Variants in CTBP1 observed in about 807,000 individuals in gnomAD.
The protein encoded by CTBP1 is C-terminal binding protein 1.
CTBP1 carries 11 observed loss-of-function variants against 42.1 expected under a neutral mutation model. The observed-to-expected ratio is 0.26, with a 90% CI of 0.16 to 0.43. CTBP1 has a LOEUF of 0.43. Ranked by LOEUF, CTBP1 falls within the 20% of genes least tolerant of loss-of-function variation. The pLI is 1.00. For missense variants in CTBP1, 399 were observed against 624.3 expected (o/e 0.64, Z 3.85); for synonymous variants, 324 against 277.1 (o/e 1.17, Z -1.68).
chr4:1,218,391 G>A (rs1394344564), intron 5 of CTBP1: 5 of 151,560 alleles, frequency 3.3e-5, no homozygotes, highest in Non-Finnish European at 5.9e-5. Context: ...GCGACAGAGC[G>A]AGACTACCTT....
At chr4:1,243,573 AC>A (rs770913080) in intron 1 of CTBP1, 1 of 985,300 alleles carries the variant, frequency 1.0e-6, no homozygotes, top group Non-Finnish European at 1.2e-6. Context: ...GCCACTGTGC[AC>A]CCACAAAGCG....
chr4:1,245,542 C>T (rs142101837), intron 1 of CTBP1: 16,631 of 983,884 alleles, frequency 0.017, 158 homozygotes, highest in Non-Finnish European at 0.019. Flanking sequence ...CACAGACGGG[C>T]GGCAGGTCAG....
rs1287584919 is a variant in CTBP1 at position 1,248,416 on chromosome 4, G to A, written c.-189+500C>T. Among the ~76,000 whole-genome samples, 3 of 150,668 alleles carry A rather than the reference G, an allele frequency of 2.0e-5. No homozygotes were observed. The East Asian group carries it at 6.0e-4, about 30-fold the overall frequency. ...ACAGCGCGCGGCCACGGTCGCCGGC[G>A]GCCTCCCCGCGGGAGGCGCGCTCCC... On this transcript the variant is annotated intron_variant, in intron 1 of 9. Transcript: ENST00000382952.
intron 3 of CTBP1, among the ~76,000 whole-genome samples, chr4:1,234,025 C>T (rs1283710219): frequency 6.6e-6 from 1 of 152,242 alleles, no homozygotes; most frequent in African/African-American, 2.4e-5. Flanking sequence ...CCCCGGGTTC[C>T]AGCCAGCAGG....
chr4:1,214,175 G>A (rs1451698024), intron 7 of CTBP1, 168 bp downstream of exon 7: 5 of 863,902 alleles, frequency 5.8e-6, no homozygotes, highest in Admixed American at 7.7e-5. Context: ...CCTAGAGCCC[G>A]TGGCTCCATC....
intron 1 of CTBP1, 101 bp from the exon 2 acceptor site, chr4:1,241,620 G>A (rs941369656): frequency 7.0e-7 from 1 of 1,426,306 alleles, no homozygotes; most frequent in Non-Finnish European, 9.3e-7. Context: ...CACTGCATCT[G>A]CCACACCCGG....
chr4:1,228,382 A>C (rs1730607051), intron 3 of CTBP1, 39 bp from the exon 4 acceptor site: 1 of 1,600,222 alleles, frequency 6.2e-7, no homozygotes, highest in African/African-American at 1.3e-5. Flanking sequence ...CCGGAACCTG[A>C]AGACCCTCGG....
chr4:1,211,853 C>A lies in CTBP1; in HGVS notation c.*387G>T, dbSNP rs1371408927. ...TTGCCAACTGCCTCATTCTGGGGCA[C>A]GTTCCAACATACAAAAAAAAAAAAA... On this transcript the variant is annotated 3_prime_UTR_variant, in exon 10 of 10. Transcript: ENST00000382952. 1 of 160,558 alleles carries A rather than the reference C, an allele frequency of 6.2e-6. No homozygotes were observed. The highest frequency in any genetic ancestry group is 6.6e-5 in the Admixed American group (1 of 15,130). The allele number at this position is 160,558 out of a possible 1,614,324, so 9.9% of individuals were successfully genotyped here.
In CTBP1 at chr4:1,243,988, T is replaced by C. The variant is rs567344587; in HGVS notation, c.-188-2469A>G. ...GCACATGGAAGCTTGTGCTTCCTATTTTCCTGTAAATCTAAGACTGCTCTA... is the reference window on the plus strand; with the variant it reads ...GCACATGGAAGCTTGTGCTTCCTATCTTCCTGTAAATCTAAGACTGCTCTA... On this transcript the variant is annotated intron_variant, in intron 1 of 9. Transcript: ENST00000382952. The C allele has an allele frequency of 8.6e-5, 85 of 985,286 alleles. No individual in the cohort carries two copies. The African/African-American group carries it at 1.4e-3, about 17-fold the overall frequency. 61.0% of individuals were successfully genotyped at this position (985,286 alleles called of 1,614,324 possible).
At chr4:1,243,662 G>T (rs1560284436) in intron 1 of CTBP1, 2 of 985,338 alleles carry the variant, frequency 2.0e-6, no homozygotes, top group Non-Finnish European at 2.4e-6. Flanking sequence ...AATGCCAGAG[G>T]CCCTGCGCAC....
chr4:1,228,425 G>A, intron 3 of CTBP1, 82 bp from the exon 4 acceptor site: 6 of 1,521,970 alleles, frequency 3.9e-6, no homozygotes, highest in South Asian at 2.5e-5. Flanking sequence ...TGCCCCGGCT[G>A]GGAAATTAGC....
chr4:1,246,156 A>G (rs1732698803), intron 1 of CTBP1, among the ~76,000 whole-genome samples: 1 of 152,002 alleles, frequency 6.6e-6, no homozygotes, highest in South Asian at 2.1e-4. Flanking sequence ...TGCGGGGGAG[A>G]GCAGTGGGCT....
intron 3 of CTBP1, among the ~76,000 whole-genome samples, chr4:1,228,879 C>T (rs767297278): frequency 3.4e-4 from 51 of 152,202 alleles, no homozygotes; most frequent in Admixed American, 7.8e-4. Flanking sequence ...GCCACCCAGC[C>T]GTAAGGATAC....
upstream of CTBP1, chr4:1,249,673 G>A (rs1368051070): frequency 4.7e-6 from 2 of 424,324 alleles, no homozygotes; most frequent in Non-Finnish European, 9.5e-6. Context: ...CGGCACATGG[G>A]ACCCCGAGAG....
chr4:1,240,819 G>A (rs148810788), intron 2 of CTBP1, among the ~76,000 whole-genome samples: 81 of 152,300 alleles, frequency 5.3e-4, no homozygotes, highest in African/African-American at 1.9e-3. Flanking sequence ...ACACACCCAG[G>A]AGGCTTCACA....
intron 5 of CTBP1, among the ~76,000 whole-genome samples, chr4:1,222,025 T>C (rs1729793356): frequency 6.6e-6 from 1 of 152,190 alleles, no homozygotes; most frequent in African/African-American, 2.4e-5. Flanking sequence ...CACATTCCTG[T>C]AGCCACCACA....
chr4:1,235,138 GA>G lies in CTBP1; in HGVS notation c.162+3044del. 1 of 152,320 alleles carries G rather than the reference GA, an allele frequency of 6.6e-6. No homozygotes were observed. The allele number at this position is 152,320 out of a possible 1,614,324, so 9.4% of individuals were successfully genotyped here. A position where few individuals can be genotyped will look rare whatever the true frequency, so the allele number is the denominator to read the frequency against. On this transcript the variant is annotated intron_variant, in intron 3 of 9. Coordinates refer to ENST00000382952, the MANE Select transcript of CTBP1 (RefSeq NM_001012614.2). This position sits in a 1 kb window ranked among gnomAD's most constrained non-coding sequence, Gnocchi z 4.2. Reference sequence around the variant, plus strand: ...GCATTTGCCTGGCCACTCACCCACTGAAGGACAGCCGGTGGGGGGCGTCCTT... The same window carrying G: ...GCATTTGCCTGGCCACTCACCCACTGAGGACAGCCGGTGGGGGGCGTCCTT...
At chr4:1,236,295 C>T (rs1731485815) in intron 3 of CTBP1, 1 of 333,188 alleles carries the variant, frequency 3.0e-6, no homozygotes, top group Non-Finnish European at 5.6e-6. Flanking sequence ...TAGTTCTCAT[C>T]ACGGAGGAGC....
At chr4:1,242,438 G>A (rs1364140217) in intron 1 of CTBP1, 2 of 985,344 alleles carry the variant, frequency 2.0e-6, no homozygotes, top group Non-Finnish European at 2.4e-6. Context: ...GCCAGAAGGG[G>A]CCACTCAGCC....
Sources: gnomAD v4.1 joint callset for allele counts (sites outside exome capture counted in the v4.1 genomes callset) on GRCh38, gnomAD v4.1.1 for gene constraint, Gnocchi (gnomAD v3.1) non-coding constraint, MANE v1.5 for transcripts, NCBI Gene and HGNC (gene_info 2026-07-23, HGNC 2026-07-21) for gene names.